STK32C: variants seen among roughly 807,000 people sequenced by gnomAD.
The protein encoded by STK32C is serine/threonine kinase 32C.
STK32C carries 31 observed loss-of-function variants against 56.5 expected under a neutral mutation model. That is an observed-to-expected ratio of 0.55 (90% CI 0.41 to 0.74). STK32C has a LOEUF of 0.74. STK32C is among the 30% of genes least tolerant of loss of function. The pLI, the probability that STK32C is intolerant of heterozygous loss-of-function variation, is 0.00. For missense variants in STK32C, 544 were observed against 676.9 expected, an observed-to-expected ratio of 0.80 and a Z score of 2.18; for synonymous variants, 309 against 289.4, an observed-to-expected ratio of 1.07 and a Z score of -0.69.
chr10:132,307,533 A>T lies in STK32C; in HGVS notation c.262+39T>A, dbSNP rs762283727. On this transcript the variant is annotated intron_variant, in intron 1 of 11. Coordinates refer to ENST00000298630, the MANE Select transcript of STK32C (RefSeq NM_173575.4). This position sits in a 1 kb window ranked among gnomAD's most constrained non-coding sequence, Gnocchi z 4.4. The stretch of plus-strand genomic sequence containing the variant: ...GCCCAGCCGCGCCCGCCCCTGCAAT[A>T]GCGCGCGGCCCCCACGTCGTCCCCG... 2 of 1,465,026 alleles carry T rather than the reference A, an allele frequency of 1.4e-6. No homozygotes were observed. Among genetic ancestry groups the T allele is most frequent in the Middle Eastern group, 4.9e-4 (2 of 4,062 alleles). The allele number at this position is 1,465,026 out of a possible 1,614,324, so 90.8% of individuals were successfully genotyped here. A position where few individuals can be genotyped will look rare whatever the true frequency, so the allele number is the denominator to read the frequency against.
intron 2 of STK32C, among the ~76,000 whole-genome samples, chr10:132,228,879 T>C (rs2137740906): frequency 6.6e-6 from 1 of 152,308 alleles, no homozygotes; most frequent in African/African-American, 2.4e-5. Flanking sequence ...GCGTGGGGCT[T>C]GGGGGCCACC....
At chr10:132,243,545 C>T (rs960023499) in intron 2 of STK32C, among the ~76,000 whole-genome samples, 8 of 152,204 alleles carry the variant, frequency 5.3e-5, no homozygotes, top group Admixed American at 2.0e-4. Flanking sequence ...TTAACTACCG[C>T]CACCACTTTC....
chr10:132,257,415 C>T (rs966520495), intron 1 of STK32C, among the ~76,000 whole-genome samples: 6 of 152,080 alleles, frequency 3.9e-5, no homozygotes, highest in Non-Finnish European at 5.9e-5. Context: ...CCTAGGCCAG[C>T]GGGCTGTGGT....
intron 1 of STK32C, among the ~76,000 whole-genome samples, chr10:132,279,155 GAA>G (rs1415733645): frequency 6.6e-6 from 1 of 152,170 alleles, no homozygotes; most frequent in Non-Finnish European, 1.5e-5. Context: ...TTGCAACTGT[GAA>G]GTTCCACAGT....
chr10:132,331,924 A>G (rs1266018514), upstream of STK32C: 20 of 452,320 alleles, frequency 4.4e-5, no homozygotes, highest in Admixed American at 9.0e-5. Flanking sequence ...CAACCCCCCC[A>G]CCGCAAGCGC....
In STK32C at chr10:132,208,085, C is replaced by T. The variant is rs776319689; in HGVS notation, c.1386G>A (p.Glu462=). The T allele has an allele frequency of 3.1e-6, 4 of 1,311,144 alleles. No individual in the cohort carries two copies. The East Asian group carries it at 1.1e-4, about 37-fold the overall frequency. The allele number at this position is 1,311,144 out of a possible 1,614,324, so 81.2% of individuals were successfully genotyped here. The change falls in exon 12 of 12, where the codon GAG becomes GAA. Residue 462 remains glutamate, a synonymous_variant. Transcript: ENST00000298630. The part of the protein sequence containing the change: ...LPAPESRDAA[E]PVEDEAERSA... Reference sequence around the variant, plus strand: ...AGCGTTCCGCCTCGTCCTCCACAGGCTCCGCAGCATCCCTGGACTCAGGGG... The same window carrying T: ...AGCGTTCCGCCTCGTCCTCCACAGGTTCCGCAGCATCCCTGGACTCAGGGG...
At chr10:132,324,366 CAGA>C (rs1399505882) in exon 2 of STK32C, 1 of 778,340 alleles carries the variant, frequency 1.3e-6, no homozygotes, top group Non-Finnish European at 2.4e-6. Context: ...GGTGTGCTCT[CAGA>C]AGACCTATAT....
chr10:132,296,553 G>C (rs1295676677), intron 1 of STK32C, among the ~76,000 whole-genome samples: 2 of 152,182 alleles, frequency 1.3e-5, no homozygotes, highest in Admixed American at 1.3e-4. Context: ...ATGTTTTCCA[G>C]TACGAACTGG....
At chr10:132,280,353 T>C (rs2065135905) in intron 1 of STK32C, among the ~76,000 whole-genome samples, 1 of 142,114 alleles carries the variant, frequency 7.0e-6, no homozygotes, top group Non-Finnish European at 1.5e-5. Context: ...CTCCACTCCG[T>C]GACCATGCCC....
At chr10:132,228,173 G>C (rs763007806) in intron 2 of STK32C, 45 bp from the exon 3 acceptor site, 5 of 1,612,800 alleles carry the variant, frequency 3.1e-6, no homozygotes, top group Non-Finnish European at 4.2e-6. Flanking sequence ...AGGACGCCTG[G>C]GGACACGTGG....
chr10:132,215,552 C>T (rs569495415), intron 10 of STK32C, among the ~76,000 whole-genome samples: 3 of 150,352 alleles, frequency 2.0e-5, no homozygotes, highest in South Asian at 2.1e-4. Flanking sequence ...ATGTGACTTG[C>T]TCCTCCTTGC....
rs61333814 is a variant in STK32C, at chr10:132,268,327, G to A, written c.263-22372C>T. ...TCTCACATTGTGTATGTGTGTCGGT[G>A]TGTGTGCATGCATGTGTATGCGGGT... is the stretch of plus-strand genomic sequence containing the variant. On this transcript the variant is annotated intron_variant, in intron 1 of 11. Coordinates refer to ENST00000298630, the MANE Select transcript of STK32C (RefSeq NM_173575.4). Among the ~76,000 whole-genome samples the A allele has an allele frequency of 9.1e-3, 1,363 of 149,882 alleles. 29 individuals carry two copies. The highest frequency in any genetic ancestry group is 0.031 in the African/African-American group (1,234 of 40,016).
chr10:132,223,090 C>A, intron 8 of STK32C, 104 bp from the exon 9 acceptor site: 1 of 1,439,410 alleles, frequency 6.9e-7, no homozygotes, highest in East Asian at 2.5e-5. Flanking sequence ...CCCACCAAGC[C>A]TGAGGTTCAG....
intron 1 of STK32C, among the ~76,000 whole-genome samples, chr10:132,313,991 C>T (rs894644734): frequency 1.3e-5 from 2 of 152,298 alleles, no homozygotes; most frequent in Admixed American, 6.5e-5. Context: ...CAGGCAGAGT[C>T]TCTCTCCTGC....
intron 7 of STK32C, 51 bp downstream of exon 7, chr10:132,225,182 C>CA: frequency 6.8e-7 from 1 of 1,467,020 alleles, no homozygotes; most frequent in Non-Finnish European, 9.2e-7. Flanking sequence ...CTGGTGGGGG[C>CA]AGAGAGCAGG....
chr10:132,276,617 T>C (rs907197422), intron 1 of STK32C, among the ~76,000 whole-genome samples: 3 of 109,822 alleles, frequency 2.7e-5, no homozygotes, highest in Non-Finnish European at 5.8e-5. Context: ...CCCCCATCTC[T>C]GAAAAAAAAA....
intron 1 of STK32C, chr10:132,330,538 C>T (rs1417002822): frequency 2.8e-6 from 2 of 716,078 alleles, no homozygotes; most frequent in East Asian, 2.7e-5. Flanking sequence ...GAGACAGGGT[C>T]TCGCTGTCAC....
chr10:132,263,703 C>CAA lies in STK32C; in HGVS notation c.263-17750_263-17749dup, dbSNP rs369596906. ...TGAAACCCCATCTCTACAAAAAATA[C>CAA]AAAAAAAAAAAAGATAGCTGGGCAT... is the stretch of plus-strand genomic sequence containing the variant. On this transcript the variant is annotated intron_variant, in intron 1 of 11. Coordinates refer to ENST00000298630, the MANE Select transcript of STK32C (RefSeq NM_173575.4). Among the ~76,000 whole-genome samples the CAA allele has an allele frequency of 7.6e-3, 1,058 of 138,954 alleles. 17 individuals carry two copies. Among genetic ancestry groups the CAA allele is most frequent in the East Asian group, 0.065 (312 of 4,828 alleles). 91.2% of individuals were successfully genotyped at this position (138,954 alleles called of 152,430 possible).
At chr10:132,285,544 TAGG>T (rs1385612896) in intron 1 of STK32C, among the ~76,000 whole-genome samples, 2 of 152,226 alleles carry the variant, frequency 1.3e-5, no homozygotes, top group African/African-American at 4.8e-5. Flanking sequence ...ATCATACAGT[TAGG>T]TGACTACATC....
Sources: allele counts gnomAD v4.1 joint callset (sites outside exome capture counted in the v4.1 genomes callset), GRCh38; gene constraint gnomAD v4.1.1; non-coding constraint Gnocchi (gnomAD v3.1); transcripts MANE v1.5; gene names NCBI Gene and HGNC (gene_info 2026-07-23, HGNC 2026-07-21).